EPHB2: variants seen among roughly 807,000 people sequenced by gnomAD.
EPHB2 encodes the protein EPH receptor B2.
In EPHB2, 18 loss-of-function variants were observed where a neutral mutation model predicts 96.4. The observed-to-expected ratio is 0.19, with a 90% CI of 0.13 to 0.28. The LOEUF (loss-of-function observed/expected upper bound fraction) is 0.28. Among genes scored for constraint, EPHB2 ranks in the 10% least tolerant of loss-of-function variants. The probability of loss-of-function intolerance (pLI) is 1.00; values close to 1 mark genes in which losing one functional copy is unlikely to be tolerated. For synonymous variants in EPHB2, 506 were observed against 534.1 expected, an observed-to-expected ratio of 0.95 and a Z score of 0.72; for missense variants, 989 against 1,355.4, an observed-to-expected ratio of 0.73 and a Z score of 4.25.
chr1:22,780,821 G>A (rs1481050789), intron 1 of EPHB2, among the ~76,000 whole-genome samples: 1 of 152,178 alleles, frequency 6.6e-6, no homozygotes, highest in Non-Finnish European at 1.5e-5. Context: ...TAGAGGTAGA[G>A]CCTGACCATG....
intron 5 of EPHB2, among the ~76,000 whole-genome samples, chr1:22,873,511 CAG>C (rs370862179): frequency 5.3e-5 from 8 of 150,856 alleles, no homozygotes; most frequent in Non-Finnish European, 7.4e-5. Flanking sequence ...AAGCGAGAGT[CAG>C]AGAGAGAGAG....
chr1:22,719,406 A>G (rs1381484495), intron 1 of EPHB2: 1 of 154,108 alleles, frequency 6.5e-6, no homozygotes, highest in Admixed American at 6.5e-5. Flanking sequence ...TTTACAGAAA[A>G]GTCCTGTTTC....
intron 1 of EPHB2, among the ~76,000 whole-genome samples, chr1:22,778,763 G>T (rs1455714447): frequency 6.6e-6 from 1 of 152,206 alleles, no homozygotes; most frequent in Non-Finnish European, 1.5e-5. Flanking sequence ...GAAGACACAG[G>T]GGGACAGTGG....
chr1:22,765,374 C>G (rs1295278121), intron 1 of EPHB2, among the ~76,000 whole-genome samples: 2 of 151,966 alleles, frequency 1.3e-5, no homozygotes, highest in Non-Finnish European at 2.9e-5. Context: ...TGGCGAAACC[C>G]CATCTGTACC....
At chr1:22,815,569 T>C (rs921555143) in intron 3 of EPHB2, among the ~76,000 whole-genome samples, 2 of 152,246 alleles carry the variant, frequency 1.3e-5, no homozygotes, top group African/African-American at 4.8e-5. Flanking sequence ...GCCTGAGCCC[T>C]GCATTGGCCC....
At chr1:22,740,026 G>A (rs1570183115) in intron 1 of EPHB2, among the ~76,000 whole-genome samples, 3 of 152,332 alleles carry the variant, frequency 2.0e-5, no homozygotes, top group Admixed American at 2.0e-4. Flanking sequence ...CGCTGAGGCA[G>A]GGAGGCCTGG....
At chr1:22,902,480 C>A (rs907086411) in intron 9 of EPHB2, among the ~76,000 whole-genome samples, 14 of 152,188 alleles carry the variant, frequency 9.2e-5, no homozygotes, top group Admixed American at 1.3e-4. Context: ...GCTTCCAATA[C>A]CCCAAAATTA....
chr1:22,760,886 C>T (rs954232169), intron 1 of EPHB2, among the ~76,000 whole-genome samples: 1 of 152,098 alleles, frequency 6.6e-6, no homozygotes, highest in African/African-American at 2.4e-5. Flanking sequence ...ATCCTCCCGA[C>T]GAGCCTGCAA....
chr1:22,800,702 A>G (rs937723098), intron 3 of EPHB2, among the ~76,000 whole-genome samples: 43 of 148,860 alleles, frequency 2.9e-4, no homozygotes, highest in African/African-American at 8.4e-4. Flanking sequence ...GTGTGAGTAT[A>G]TGTGTGTGTG....
At chr1:22,856,932 C>T (rs1557715693) in intron 3 of EPHB2, among the ~76,000 whole-genome samples, 1 of 152,224 alleles carries the variant, frequency 6.6e-6, no homozygotes, top group Non-Finnish European at 1.5e-5. Context: ...CCTCAAGTCA[C>T]TCACTGTCCA....
intron 3 of EPHB2, among the ~76,000 whole-genome samples, chr1:22,815,706 T>C (rs1321256838): frequency 1.3e-5 from 2 of 152,266 alleles, no homozygotes; most frequent in African/African-American, 4.8e-5. Context: ...AAAGACTGTT[T>C]AAAGATTCCA....
intron 3 of EPHB2, among the ~76,000 whole-genome samples, chr1:22,834,948 A>T (rs940450367): frequency 6.6e-6 from 1 of 151,954 alleles, no homozygotes; most frequent in African/African-American, 2.4e-5. Context: ...AATAAAAAAT[A>T]AAAAAAAGGC....
At chr1:22,908,947 A>G in intron 12 of EPHB2, 75 bp from the exon 13 acceptor site, 5 of 1,593,324 alleles carry the variant, frequency 3.1e-6, no homozygotes, top group Non-Finnish European at 4.3e-6. Context: ...CACAGGGCAC[A>G]GGGTGGGAGG....
chr1:22,865,326 A>G, intron 5 of EPHB2, 114 bp downstream of exon 5: 1 of 1,294,802 alleles, frequency 7.7e-7, no homozygotes, highest in Non-Finnish European at 1.1e-6. Flanking sequence ...TTCTTTTCAA[A>G]GGCTTTTCAT....
chr1:22,791,542 G>C (rs369738543), intron 3 of EPHB2, among the ~76,000 whole-genome samples: 1 of 141,628 alleles, frequency 7.1e-6, no homozygotes, highest in African/African-American at 2.7e-5. Context: ...TCTTGAACTC[G>C]TGGCCACAAA....
Position 22,906,401 on chromosome 1 carries a change from T to C in EPHB2, c.1888+292T>C, listed in dbSNP as rs1048303884. Among the ~76,000 whole-genome samples the C allele has an allele frequency of 6.6e-6, 1 of 152,088 alleles. No homozygotes were observed. Among genetic ancestry groups the C allele is most frequent in the Non-Finnish European group, 1.5e-5 (1 of 68,012 alleles). On this transcript the variant is annotated intron_variant, in intron 10 of 15. Coordinates refer to ENST00000374630, the MANE Select transcript of EPHB2 (RefSeq NM_017449.5). The surrounding 1 kb of genome is among the most constrained non-coding windows in gnomAD (Gnocchi z 4.8). ...GTTCTCTGGACTCTTGGTCCAGTGC[T>C]TTTCCTTCCTCCCCCCATGTATCCC...
Position 22,915,455 on chromosome 1 carries a change from G to A in EPHB2, c.*1885G>A, listed in dbSNP as rs1172298289. ...AGGCTTCCAGAAAGCCCAGGGCAGA[G>A]AAAACACATGGAGAACGACAGCTCC... On this transcript the variant is annotated 3_prime_UTR_variant, in exon 16 of 16. Coordinates refer to ENST00000374630, the MANE Select transcript of EPHB2 (RefSeq NM_017449.5). The A allele has an allele frequency of 6.6e-6, 1 of 152,234 alleles. No individual in the cohort carries two copies. Among genetic ancestry groups the A allele is most frequent in the African/African-American group, 2.4e-5 (1 of 41,464 alleles). 9.4% of individuals were successfully genotyped at this position (152,234 alleles called of 1,614,324 possible).
In EPHB2 at chr1:22,784,247, T is replaced by A; in HGVS notation, c.127-145T>A. 1.3e-6 allele frequency: 1 copy of A among 756,890 alleles called. No individual in the cohort carries two copies. Among genetic ancestry groups the A allele is most frequent in the East Asian group, 2.7e-5 (1 of 37,328 alleles). 46.9% of individuals were successfully genotyped at this position (756,890 alleles called of 1,614,324 possible). Reference sequence around the variant, plus strand: ...GCCTTTCCCACCTGATTGGCATGTCTCCCCCATCAGATTGGGAATTCTCTG... The same window carrying A: ...GCCTTTCCCACCTGATTGGCATGTCACCCCCATCAGATTGGGAATTCTCTG... On this transcript the variant is annotated intron_variant, in intron 2 of 15. Coordinates refer to ENST00000374630, the MANE Select transcript of EPHB2 (RefSeq NM_017449.5). This position sits in a 1 kb window ranked among gnomAD's most constrained non-coding sequence, Gnocchi z 5.1.
At chr1:22,907,010 G>T (rs1240177839) in intron 11 of EPHB2, 53 bp downstream of exon 11, 2 of 1,554,642 alleles carry the variant, frequency 1.3e-6, no homozygotes, top group Non-Finnish European at 1.7e-6. Flanking sequence ...GAAAAGGAAC[G>T]ATGGACATAG....
Sources: gnomAD v4.1 joint callset for allele counts (sites outside exome capture counted in the v4.1 genomes callset) on GRCh38, gnomAD v4.1.1 for gene constraint, Gnocchi (gnomAD v3.1) non-coding constraint, MANE v1.5 for transcripts, NCBI Gene and HGNC (gene_info 2026-07-23, HGNC 2026-07-21) for gene names.